Variants in GRID2 observed in about 807,000 individuals in gnomAD.
The protein encoded by GRID2 is glutamate ionotropic receptor delta type subunit 2, also known as glutamate receptor ionotropic, delta-2.
Under a neutral mutation model 114.8 loss-of-function variants are expected in GRID2, and 33 were observed. The ratio of observed to expected loss-of-function variants is 0.29; its 90% CI spans 0.22 to 0.38. The LOEUF is 0.38. Ranked by LOEUF, GRID2 falls within the 10% of genes least tolerant of loss-of-function variation. The pLI is 1.00. For missense variants in GRID2, 1,184 were observed against 1,257.7 expected (o/e 0.94, Z 0.89); for synonymous variants, 505 against 449.9 (o/e 1.12, Z -1.55).
At chr4:93,696,841 A>G (rs1476334534) in intron 14 of GRID2, among the ~76,000 whole-genome samples, 7 of 152,166 alleles carry the variant, frequency 4.6e-5, no homozygotes, top group Non-Finnish European at 8.8e-5. Context: ...AATACAGCAT[A>G]TATCAGACCC....
chr4:93,248,728 A>G (rs1293366921), intron 8 of GRID2, among the ~76,000 whole-genome samples: 2 of 152,160 alleles, frequency 1.3e-5, no homozygotes, highest in African/African-American at 4.8e-5. Flanking sequence ...TAGTTCATTT[A>G]TTTGGCAGGG....
chr4:92,986,374 GA>G (rs1287989286), intron 2 of GRID2, among the ~76,000 whole-genome samples: 2 of 152,128 alleles, frequency 1.3e-5, no homozygotes, highest in Non-Finnish European at 2.9e-5. Context: ...AAGAAAAAGT[GA>G]AAAATATATG....
chr4:93,287,419 C>T (rs769097729), intron 8 of GRID2, among the ~76,000 whole-genome samples: 14 of 152,114 alleles, frequency 9.2e-5, no homozygotes, highest in Non-Finnish European at 1.6e-4. Flanking sequence ...TTCCACAGTG[C>T]TATCCTGAGG....
chr4:92,485,837 A>C (rs2149109011), intron 1 of GRID2, among the ~76,000 whole-genome samples: 1 of 152,324 alleles, frequency 6.6e-6, no homozygotes, highest in South Asian at 2.1e-4. Context: ...TGTCTGACAT[A>C]AAATTTTACA....
intron 2 of GRID2, among the ~76,000 whole-genome samples, chr4:92,918,134 A>G (rs1578466754): frequency 1.3e-5 from 2 of 152,276 alleles, no homozygotes; most frequent in Middle Eastern, 6.8e-3. Flanking sequence ...GAGTTCACTC[A>G]TGATTTGGCT....
At chr4:93,151,690 A>G (rs1205172214) in intron 4 of GRID2, among the ~76,000 whole-genome samples, 1 of 152,178 alleles carries the variant, frequency 6.6e-6, no homozygotes. Flanking sequence ...TTAAAAATAT[A>G]AAGGGACATC....
At chr4:93,547,243 T>TC (rs1158098189) in intron 13 of GRID2, among the ~76,000 whole-genome samples, 1 of 152,162 alleles carries the variant, frequency 6.6e-6, no homozygotes, top group Non-Finnish European at 1.5e-5. Context: ...ACAAAAATAT[T>TC]TTTTTCCTAG....
At chr4:92,443,098 A>G (rs1217540639) in intron 1 of GRID2, among the ~76,000 whole-genome samples, 13 of 152,158 alleles carry the variant, frequency 8.5e-5, no homozygotes, top group African/African-American at 1.7e-4. Flanking sequence ...GTTGGTACTG[A>G]GGGGACAGGC....
At chr4:92,842,474 G>C (rs1742980733) in intron 2 of GRID2, among the ~76,000 whole-genome samples, 1 of 152,216 alleles carries the variant, frequency 6.6e-6, no homozygotes, top group Admixed American at 6.6e-5. Flanking sequence ...TTACTGAAAA[G>C]GGAAAGTTTA....
intron 1 of GRID2, among the ~76,000 whole-genome samples, chr4:92,368,738 A>G (rs1728985524): frequency 6.6e-6 from 1 of 152,044 alleles, no homozygotes; most frequent in Non-Finnish European, 1.5e-5. Flanking sequence ...TAATGTTTCT[A>G]GCATGACTTT....
intron 11 of GRID2, among the ~76,000 whole-genome samples, chr4:93,463,420 G>A (rs955471543): frequency 3.9e-5 from 6 of 152,062 alleles, no homozygotes; most frequent in Admixed American, 6.6e-5. Flanking sequence ...TCCTCATGAC[G>A]TGAGTCAGAA....
chr4:92,486,846 A>T (rs1250477159), intron 1 of GRID2, among the ~76,000 whole-genome samples: 1 of 151,982 alleles, frequency 6.6e-6, no homozygotes, highest in Non-Finnish European at 1.5e-5. Flanking sequence ...TCTCTAAAAA[A>T]TTTTTAATAT....
chr4:93,048,273 T>C (rs1000660951), intron 2 of GRID2, among the ~76,000 whole-genome samples: 3 of 152,154 alleles, frequency 2.0e-5, no homozygotes, highest in African/African-American at 7.2e-5. Flanking sequence ...TGTCATTTCA[T>C]GAGGAGGAGT....
intron 2 of GRID2, among the ~76,000 whole-genome samples, chr4:92,744,455 T>C (rs1015875303): frequency 6.9e-6 from 1 of 145,796 alleles, no homozygotes; most frequent in Non-Finnish European, 1.5e-5. Flanking sequence ...GCTACTGCAC[T>C]CCAGTCTGGG....
intron 14 of GRID2, among the ~76,000 whole-genome samples, chr4:93,705,026 A>ATACTAGT (rs1727867223): frequency 6.6e-6 from 1 of 152,268 alleles, no homozygotes; most frequent in South Asian, 2.1e-4. Flanking sequence ...AGGAGCCTCT[A>ATACTAGT]TACTAGTCTC....
chr4:92,430,946 T>C (rs1297224347), intron 1 of GRID2, among the ~76,000 whole-genome samples: 2 of 152,212 alleles, frequency 1.3e-5, no homozygotes, highest in African/African-American at 4.8e-5. Flanking sequence ...ATTTTGTATG[T>C]TGACTTTTTT....
chr4:92,967,986 A>C (rs1323286458), intron 2 of GRID2, among the ~76,000 whole-genome samples: 2 of 151,886 alleles, frequency 1.3e-5, no homozygotes, highest in Non-Finnish European at 2.9e-5. Context: ...GAATGTAAGC[A>C]TGAGTGCAGG....
At chr4:93,410,471 A>G (rs1767000301) in intron 9 of GRID2, among the ~76,000 whole-genome samples, 1 of 152,068 alleles carries the variant, frequency 6.6e-6, no homozygotes, top group Admixed American at 6.5e-5. Flanking sequence ...TTCAGACCTT[A>G]CCTTCCTGGA....
chr4:92,500,303 C>T (rs1723612957), intron 1 of GRID2, among the ~76,000 whole-genome samples: 1 of 151,688 alleles, frequency 6.6e-6, no homozygotes, highest in Non-Finnish European at 1.5e-5. Flanking sequence ...GAGATATTTC[C>T]TCCACTTGAT....
Sources: gnomAD v4.1 joint callset for allele counts (sites outside exome capture counted in the v4.1 genomes callset) on GRCh38, gnomAD v4.1.1 for gene constraint, MANE v1.5 for transcripts, NCBI Gene and HGNC (gene_info 2026-07-23, HGNC 2026-07-21) for gene names.